The following INVS variants were observed in gnomAD, a reference collection of about 807,000 sequenced individuals.
INVS encodes inversion of embryo turning homolog.
In INVS, 86 loss-of-function variants were observed where a neutral mutation model predicts 108.8. The ratio of observed to expected loss-of-function variants is 0.79; its 90% CI spans 0.66 to 0.95. The LOEUF (loss-of-function observed/expected upper bound fraction) is 0.95, where lower values mean the gene tolerates loss of function less well. INVS is among the 40% of genes least tolerant of loss of function. The pLI, the probability that INVS is intolerant of heterozygous loss-of-function variation, is 0.00. For missense variants in INVS, 1,169 were observed against 1,297.4 expected (o/e 0.90, Z 1.52); for synonymous variants, 455 against 473.5 (o/e 0.96, Z 0.51).
At chr9:100,253,187 T>G (rs758302266) in intron 10 of INVS, 51 bp downstream of exon 10, 47 of 1,398,908 alleles carry the variant, frequency 3.4e-5, no homozygotes, top group Non-Finnish European at 4.5e-5. Context: ...TTTAGAGTAT[T>G]TCTTCTTTGT....
chr9:100,230,845 G>T (rs1831490307), intron 5 of INVS, among the ~76,000 whole-genome samples: 1 of 152,198 alleles, frequency 6.6e-6, no homozygotes, highest in South Asian at 2.1e-4. Flanking sequence ...GTTGCTGCAT[G>T]TAGCCATGAT....
Position 100,251,915 on chromosome 9 carries a change from T to C in INVS, c.1079-368T>C, listed in dbSNP as rs190874498. ...TTGAGTGGGTTGTTGGGCAGAATTG[T>C]GTACATCATTTAAATCATTCCTCTT... is the stretch of plus-strand genomic sequence containing the variant. On this transcript the variant is annotated intron_variant, in intron 8 of 16. Coordinates refer to ENST00000262457, the MANE Select transcript of INVS (RefSeq NM_014425.5). Among the ~76,000 whole-genome samples the C allele has an allele frequency of 3.8e-3, 572 of 152,304 alleles. 5 individuals are homozygous for C. Among genetic ancestry groups the C allele is most frequent in the African/African-American group, 0.013 (521 of 41,566 alleles).
intron 3 of INVS, among the ~76,000 whole-genome samples, chr9:100,196,797 A>G (rs1037134923): frequency 1.3e-5 from 2 of 151,788 alleles, no homozygotes; most frequent in Non-Finnish European, 2.9e-5. Flanking sequence ...TTTCCTAACC[A>G]CTGCTTTAGC....
At chr9:100,162,073 A>G (rs564254835) in intron 3 of INVS, among the ~76,000 whole-genome samples, 83 of 152,320 alleles carry the variant, frequency 5.4e-4, no homozygotes, top group Admixed American at 2.2e-3. Flanking sequence ...GGCCACAAAA[A>G]GGAGCCGGAA....
chr9:100,099,571 C>T (rs1826752397), intron 1 of INVS, among the ~76,000 whole-genome samples, 155 bp downstream of exon 1: 2 of 152,222 alleles, frequency 1.3e-5, no homozygotes, highest in South Asian at 4.1e-4. Flanking sequence ...TGCTCTAATT[C>T]CTGCATTATA....
chr9:100,186,416 G>T (rs999591336), intron 3 of INVS, among the ~76,000 whole-genome samples: 3 of 152,064 alleles, frequency 2.0e-5, no homozygotes, highest in African/African-American at 7.2e-5. Flanking sequence ...CTCCCAAAGT[G>T]CTGGGATTAC....
At position 100,299,641 on chromosome 9, in the gene INVS, C is replaced by CA. The variant is rs1248301632; in HGVS notation, c.3092-926dup. 2.3e-4 allele frequency among the ~76,000 whole-genome samples: 6 copies of CA among 25,764 alleles called. 1 individual carries two copies. Among genetic ancestry groups the CA allele is most frequent in the African/African-American group, 4.5e-4 (2 of 4,434 alleles). The allele number at this position is 25,764 out of a possible 152,430, so 16.9% of individuals were successfully genotyped here. A position where few individuals can be genotyped will look rare whatever the true frequency, so the allele number is the denominator to read the frequency against. ...CTCAGCAGAGCCTTTTATTGACACACACACACACACACACACACACACACA... is the reference window on the plus strand; with the variant it reads ...CTCAGCAGAGCCTTTTATTGACACACAACACACACACACACACACACACACA... On this transcript the variant is annotated intron_variant, in intron 16 of 16. Coordinates refer to ENST00000262457, the MANE Select transcript of INVS (RefSeq NM_014425.5).
intron 3 of INVS, among the ~76,000 whole-genome samples, chr9:100,221,928 G>A (rs959039730): frequency 2.6e-5 from 4 of 151,498 alleles, no homozygotes; most frequent in African/African-American, 9.7e-5. Context: ...AGATATGTGT[G>A]TATATGAAAA....
chr9:100,171,764 C>G (rs1829549453), intron 3 of INVS, among the ~76,000 whole-genome samples: 1 of 152,208 alleles, frequency 6.6e-6, no homozygotes, highest in Non-Finnish European at 1.5e-5. Context: ...AAAATTGGTA[C>G]ATTTTACCTT....
At chr9:100,244,188 A>T (rs1831970486) in intron 7 of INVS, among the ~76,000 whole-genome samples, 1 of 152,164 alleles carries the variant, frequency 6.6e-6, no homozygotes, top group Non-Finnish European at 1.5e-5. Context: ...TATTCCTAAT[A>T]ACTTATTCAA....
chr9:100,280,231 T>C (rs987626841), intron 12 of INVS, among the ~76,000 whole-genome samples: 9 of 152,188 alleles, frequency 5.9e-5, no homozygotes, highest in Non-Finnish European at 1.2e-4. Context: ...TGAAGCAGCG[T>C]TGTGTCTTGT....
At chr9:100,123,276 G>T (rs1827783022) in intron 2 of INVS, among the ~76,000 whole-genome samples, 1 of 152,042 alleles carries the variant, frequency 6.6e-6, no homozygotes, top group African/African-American at 2.4e-5. Flanking sequence ...CCAACCCCCA[G>T]TCCTAGGCAA....
At chr9:100,283,376 C>G (rs568825975) in intron 12 of INVS, among the ~76,000 whole-genome samples, 6 of 152,246 alleles carry the variant, frequency 3.9e-5, no homozygotes, top group African/African-American at 1.4e-4. Flanking sequence ...CCTGGCTGTC[C>G]CCTTCTGGGT....
At chr9:100,176,177 C>A (rs1259020721) in intron 3 of INVS, 4 of 366,016 alleles carry the variant, frequency 1.1e-5, no homozygotes, top group African/African-American at 8.5e-5. Flanking sequence ...GCCTTCATAT[C>A]TTTGTTTCCT....
chr9:100,113,023 A>G (rs1050456738), intron 2 of INVS, among the ~76,000 whole-genome samples: 1 of 152,224 alleles, frequency 6.6e-6, no homozygotes, highest in African/African-American at 2.4e-5. Flanking sequence ...ACAACTAGAG[A>G]CTAGTCTCAT....
At chr9:100,154,231 A>G (rs1013141469) in intron 3 of INVS, among the ~76,000 whole-genome samples, 4 of 151,434 alleles carry the variant, frequency 2.6e-5, no homozygotes, top group African/African-American at 9.7e-5. Flanking sequence ...TGGCACAATC[A>G]TGGCTCACTG....
At chr9:100,102,410 T>C (rs1280906733) in intron 1 of INVS, 3 of 152,238 alleles carry the variant, frequency 2.0e-5, no homozygotes, top group African/African-American at 7.2e-5. Flanking sequence ...ATATGGTTCA[T>C]TTTAGTGATA....
intron 11 of INVS, among the ~76,000 whole-genome samples, chr9:100,271,154 C>T (rs1832943817): frequency 6.6e-6 from 1 of 152,316 alleles, no homozygotes; most frequent in African/African-American, 2.4e-5. Flanking sequence ...CCCCCAGAGG[C>T]ATCACTGTTA....
Position 100,226,040 on chromosome 9 carries a change from T to C in INVS, c.274-22T>C, listed in dbSNP as rs566435222. The C allele has an allele frequency of 2.0e-5, 31 of 1,579,856 alleles. 1 individual carries two copies. In the South Asian group the frequency reaches 3.5e-4, roughly 18 times the overall value. Reference sequence around the variant, plus strand: ...GACCCCATAGTACATTTTTTTCTTATCATCTCTTGTTTTTTATTTAGGGAA... The same window carrying C: ...GACCCCATAGTACATTTTTTTCTTACCATCTCTTGTTTTTTATTTAGGGAA... On this transcript the variant is annotated intron_variant, in intron 3 of 16. Coordinates refer to ENST00000262457, the MANE Select transcript of INVS (RefSeq NM_014425.5).
Sources: allele counts gnomAD v4.1 joint callset (sites outside exome capture counted in the v4.1 genomes callset), GRCh38; gene constraint gnomAD v4.1.1; transcripts MANE v1.5; gene names NCBI Gene and HGNC (gene_info 2026-07-23, HGNC 2026-07-21).